KPNA4: variants seen among roughly 807,000 people sequenced by gnomAD.
KPNA4 encodes importin subunit alpha-3.
Under a neutral mutation model 71.3 loss-of-function variants are expected in KPNA4, and 13 were observed. That is an observed-to-expected ratio of 0.18 (90% CI 0.12 to 0.29). The LOEUF (loss-of-function observed/expected upper bound fraction) is 0.29. Among genes scored for constraint, KPNA4 ranks in the 10% least tolerant of loss-of-function variants. KPNA4 has a pLI of 1.00. For missense variants in KPNA4, 334 were observed against 603.2 expected, an observed-to-expected ratio of 0.55 and a Z score of 4.67; for synonymous variants, 189 against 195.2, an observed-to-expected ratio of 0.97 and a Z score of 0.26.
At chr3:160,540,166 A>T (rs1033200237) in intron 1 of KPNA4, among the ~76,000 whole-genome samples, 1 of 151,570 alleles carries the variant, frequency 6.6e-6, no homozygotes, top group Non-Finnish European at 1.5e-5. Context: ...CGCCCGGCTA[A>T]GTTTTTGTGT....
intron 1 of KPNA4, among the ~76,000 whole-genome samples, chr3:160,540,841 G>C (rs1455751318): frequency 6.6e-6 from 1 of 152,198 alleles, no homozygotes. Context: ...GACTGTTGCT[G>C]CTATTTCCTC....
intron 7 of KPNA4, among the ~76,000 whole-genome samples, chr3:160,528,377 T>C (rs1016328703): frequency 2.0e-5 from 3 of 151,284 alleles, no homozygotes; most frequent in Non-Finnish European, 2.9e-5. Flanking sequence ...TTTTTTTTTG[T>C]TTTTTTGAGA....
At chr3:160,523,488 C>T (rs1721399048) in intron 10 of KPNA4, among the ~76,000 whole-genome samples, 1 of 152,074 alleles carries the variant, frequency 6.6e-6, no homozygotes, top group African/African-American at 2.4e-5. Flanking sequence ...TAATGCTTTG[C>T]CATTGTTTCT....
intron 8 of KPNA4, among the ~76,000 whole-genome samples, chr3:160,527,649 G>A (rs948774383): frequency 6.6e-6 from 1 of 152,114 alleles, no homozygotes; most frequent in Non-Finnish European, 1.5e-5. Context: ...ATCAACATGG[G>A]GGTTAGGGGA....
intron 1 of KPNA4, among the ~76,000 whole-genome samples, chr3:160,558,529 A>G (rs1350010067): frequency 4.6e-5 from 7 of 152,272 alleles, no homozygotes; most frequent in Non-Finnish European, 8.8e-5. Context: ...CAGAGTTCAA[A>G]CCCAGACCTA....
intron 16 of KPNA4, 59 bp downstream of exon 16, chr3:160,504,899 A>T: frequency 1.3e-6 from 1 of 743,114 alleles, no homozygotes; most frequent in South Asian, 2.9e-5. Flanking sequence ...TATATATATT[A>T]CTTTATCCAG....
At chr3:160,544,226 A>G (rs1388009207) in intron 1 of KPNA4, among the ~76,000 whole-genome samples, 2 of 152,198 alleles carry the variant, frequency 1.3e-5, no homozygotes, top group African/African-American at 2.4e-5. Flanking sequence ...GTGTTCATGT[A>G]TATGTGCGCA....
intron 1 of KPNA4, among the ~76,000 whole-genome samples, chr3:160,556,313 C>T (rs1281106503): frequency 6.6e-6 from 1 of 152,066 alleles, no homozygotes; most frequent in Non-Finnish European, 1.5e-5. Context: ...CCAAAGCAGC[C>T]GTACCATTTT....
chr3:160,530,782 T>C (rs945231542), intron 7 of KPNA4, 73 bp downstream of exon 7: 1 of 1,000,122 alleles, frequency 1.0e-6, no homozygotes. Flanking sequence ...CCATAGTCTT[T>C]TGGGAAGATC....
rs941072960 is a variant in KPNA4 at position 160,565,520 on chromosome 3, G to A, written c.-238C>T. The A allele has an allele frequency of 9.2e-6, 5 of 543,026 alleles. No individual in the cohort carries two copies. Among genetic ancestry groups the A allele is most frequent in the African/African-American group, 4.1e-5 (2 of 49,348 alleles). The allele number at this position is 543,026 out of a possible 1,614,324, so 33.6% of individuals were successfully genotyped here. A position where few individuals can be genotyped will look rare whatever the true frequency, so the allele number is the denominator to read the frequency against. On this transcript the variant is annotated 5_prime_UTR_variant, in exon 1 of 17. Transcript: ENST00000334256. ...AAAGACAACTGTGGGGCCGGGCGGCGGCAAGGCGACGGAATGTGCTGCCGG... is the reference window on the plus strand; with the variant it reads ...AAAGACAACTGTGGGGCCGGGCGGCAGCAAGGCGACGGAATGTGCTGCCGG...
chr3:160,547,079 T>C (rs1031660603), intron 1 of KPNA4, among the ~76,000 whole-genome samples: 2 of 152,216 alleles, frequency 1.3e-5, no homozygotes, highest in African/African-American at 4.8e-5. Flanking sequence ...AGGCGACATG[T>C]GCAATCCCAA....
intron 1 of KPNA4, among the ~76,000 whole-genome samples, chr3:160,540,360 A>C (rs1443872285): frequency 1.3e-5 from 2 of 152,128 alleles, no homozygotes; most frequent in East Asian, 3.8e-4. Context: ...GTTTTTTGAT[A>C]ATTTGAAACT....
chr3:160,532,218 A>C (rs769547762), intron 5 of KPNA4, among the ~76,000 whole-genome samples: 4 of 152,256 alleles, frequency 2.6e-5, no homozygotes, highest in Non-Finnish European at 5.9e-5. Flanking sequence ...GTTCAGAGAA[A>C]AAAATGGGCA....
chr3:160,530,857 G>C lies in KPNA4; in HGVS notation c.467C>G (p.Ser156Cys). Residue 156 changes from serine (S) to cysteine (C), a missense_variant and splice_region_variant, in exon 7 of 17, where the codon TCC (serine) becomes TGC (cysteine). Ser to Cys is a moderately radical substitution (Grantham distance 112). Coordinates refer to ENST00000334256, the MANE Select transcript of KPNA4 (RefSeq NM_002268.5). The stretch of plus-strand genomic sequence containing the variant: ...ATGTTTATTAATAACCAACTTACTG[G>C]ACTGAACTACTGCTTGAGTTTGTTC... ...TSEQTQAVVQ[S>C]NAVPLFLRLL... The C allele has an allele frequency of 6.2e-7, 1 of 1,602,428 alleles. No individual in the cohort carries two copies. Among genetic ancestry groups the C allele is most frequent in the African/African-American group, 1.3e-5 (1 of 74,530 alleles).
rs1020287376 is a variant in KPNA4, at chr3:160,501,997, A to T, written c.*107T>A. 3.1e-6 allele frequency: 1 copy of T among 319,326 alleles called. No individual in the cohort carries two copies. The highest frequency in any genetic ancestry group is 5.6e-6 in the Non-Finnish European group (1 of 177,014). The allele number at this position is 319,326 out of a possible 1,614,324, so 19.8% of individuals were successfully genotyped here. A position where few individuals can be genotyped will look rare whatever the true frequency, so the allele number is the denominator to read the frequency against. ...CAGCAGATCCCATGAGCCAAGCTTG[A>T]TGGATCAAACCTTTTTATATATATG... is the stretch of plus-strand genomic sequence containing the variant. On this transcript the variant is annotated 3_prime_UTR_variant, in exon 17 of 17. Transcript: ENST00000334256.
rs186113857 is a variant in KPNA4 at position 160,532,096 on chromosome 3, T to C, written c.288-539A>G. On this transcript the variant is annotated intron_variant, in intron 5 of 16. Transcript: ENST00000334256. The stretch of plus-strand genomic sequence containing the variant: ...CGTGAGCCACGGAGCCTGGCCACTT[T>C]ACTACTTTTAATGGTACAACATTAT... Among the ~76,000 whole-genome samples, 832 of 152,358 alleles carry C rather than the reference T, an allele frequency of 5.5e-3. 3 individuals carry two copies. Among genetic ancestry groups the C allele is most frequent in the Non-Finnish European group, 9.8e-3 (667 of 68,032 alleles).
chr3:160,546,521 A>C lies in KPNA4; in HGVS notation c.70-9681T>G, dbSNP rs181650034. ...TGATAGAGCAAGACTCCATCTCAGA[A>C]AAAAAGAAGAATCTGTGAGAATATG... On this transcript the variant is annotated intron_variant, in intron 1 of 16. Transcript: ENST00000334256. Among the ~76,000 whole-genome samples, 27 of 152,338 alleles carry C rather than the reference A, an allele frequency of 1.8e-4. No individual in the cohort carries two copies. In the East Asian group the frequency reaches 3.7e-3, roughly 21 times the overall value.
At chr3:160,548,418 T>A (rs1308878813) in intron 1 of KPNA4, among the ~76,000 whole-genome samples, 1 of 152,170 alleles carries the variant, frequency 6.6e-6, no homozygotes, top group South Asian at 2.1e-4. Flanking sequence ...TATCCTGGTC[T>A]TGCAAAAACG....
intron 15 of KPNA4, among the ~76,000 whole-genome samples, chr3:160,506,593 C>T (rs1014278968): frequency 6.6e-6 from 1 of 152,180 alleles, no homozygotes; most frequent in Non-Finnish European, 1.5e-5. Flanking sequence ...CCTGCCACTC[C>T]TATGGCACAA....
Sources: gnomAD v4.1 joint callset for allele counts (sites outside exome capture counted in the v4.1 genomes callset) on GRCh38, gnomAD v4.1.1 for gene constraint, MANE v1.5 for transcripts, NCBI Gene and HGNC (gene_info 2026-07-23, HGNC 2026-07-21) for gene names.